CSMD2: variants seen among roughly 807,000 people sequenced by gnomAD.
CSMD2 encodes CUB and Sushi multiple domains 2.
CSMD2 carries 130 observed loss-of-function variants against 398.5 expected under a neutral mutation model. That is an observed-to-expected ratio of 0.33 (90% confidence interval 0.28 to 0.38). The LOEUF (loss-of-function observed/expected upper bound fraction) is 0.38. CSMD2 is among the 10% of genes least tolerant of loss of function. The pLI is 1.00. For missense variants in CSMD2, 3,829 were observed against 4,764.9 expected (o/e 0.80, Z 5.78); for synonymous variants, 1,828 against 1,908.5 (o/e 0.96, Z 1.10).
At chr1:33,700,425 C>G (rs1050166058) in intron 23 of CSMD2, 92 bp downstream of exon 23, 1 of 1,396,878 alleles carries the variant, frequency 7.2e-7, no homozygotes, top group Non-Finnish European at 1.0e-6. Context: ...AGAGCACATT[C>G]TTTGTATCTC....
At chr1:33,840,413 A>T (rs1480154288) in intron 6 of CSMD2, among the ~76,000 whole-genome samples, 1 of 152,258 alleles carries the variant, frequency 6.6e-6, no homozygotes, top group East Asian at 1.9e-4. Context: ...GGGTGTCTAC[A>T]TCTCTCAGGT....
At chr1:33,728,090 G>C (rs767737442) in intron 15 of CSMD2, among the ~76,000 whole-genome samples, 2 of 152,204 alleles carry the variant, frequency 1.3e-5, no homozygotes, top group Non-Finnish European at 2.9e-5. Flanking sequence ...GCAAGTTGCA[G>C]AGCTTGGATT....
chr1:34,161,894 C>G (rs536926874), intron 1 of CSMD2, among the ~76,000 whole-genome samples: 1 of 151,996 alleles, frequency 6.6e-6, no homozygotes, highest in African/African-American at 2.4e-5. Context: ...GGAGGGTGGC[C>G]AGGTGCGGTG....
intron 9 of CSMD2, chr1:33,814,152 T>G (rs1339620398): frequency 1.3e-5 from 2 of 152,398 alleles, no homozygotes; most frequent in African/African-American, 2.4e-5. Context: ...TTTGATCACA[T>G]GGGCCACCAT....
At chr1:33,924,630 T>C (rs1223055465) in intron 4 of CSMD2, among the ~76,000 whole-genome samples, 1 of 152,218 alleles carries the variant, frequency 6.6e-6, no homozygotes, top group Non-Finnish European at 1.5e-5. Context: ...TTTTCTATAA[T>C]GGCTGTACTA....
intron 1 of CSMD2, among the ~76,000 whole-genome samples, chr1:34,125,507 CTGTGTGTGTGTGTGTGTG>C (rs35436778): frequency 1.5e-4 from 21 of 141,190 alleles, no homozygotes; most frequent in Middle Eastern, 3.6e-3. Flanking sequence ...TCAACCTTGG[CTGTGTGTGTGTGTGTGTG>C]TGTGTGTGTG....
chr1:33,616,469 T>A (rs1351751934), intron 39 of CSMD2, among the ~76,000 whole-genome samples: 1 of 152,126 alleles, frequency 6.6e-6, no homozygotes, highest in East Asian at 1.9e-4. Flanking sequence ...AACTCCTGAC[T>A]TCAAGTGATC....
intron 42 of CSMD2, among the ~76,000 whole-genome samples, chr1:33,604,724 C>G (rs927264264): frequency 6.6e-6 from 1 of 152,222 alleles, no homozygotes; most frequent in Non-Finnish European, 1.5e-5. Context: ...TGGTCACCTT[C>G]CTTCCTGGTT....
At chr1:34,139,209 T>C (rs1181298918) in intron 1 of CSMD2, among the ~76,000 whole-genome samples, 1 of 152,156 alleles carries the variant, frequency 6.6e-6, no homozygotes, top group Non-Finnish European at 1.5e-5. Flanking sequence ...AATCCATTCA[T>C]AGATTAACGG....
chr1:33,827,639 C>T (rs1408993595), intron 6 of CSMD2, among the ~76,000 whole-genome samples: 2 of 119,752 alleles, frequency 1.7e-5, no homozygotes, highest in African/African-American at 7.2e-5. Context: ...AATGTAAGCT[C>T]TACAAAGGCA....
intron 3 of CSMD2, among the ~76,000 whole-genome samples, chr1:34,000,064 T>A (rs765658016): frequency 7.2e-5 from 11 of 152,006 alleles, no homozygotes; most frequent in Non-Finnish European, 1.2e-4. Flanking sequence ...AGGAAATGGG[T>A]CTTGACCACA....
At chr1:33,837,375 T>G (rs946852245) in intron 6 of CSMD2, among the ~76,000 whole-genome samples, 1 of 147,688 alleles carries the variant, frequency 6.8e-6, no homozygotes, top group Admixed American at 6.8e-5. Flanking sequence ...TATTCATTCA[T>G]GTTGTTTGTA....
intron 5 of CSMD2, among the ~76,000 whole-genome samples, chr1:33,853,966 T>G (rs760179018): frequency 4.6e-5 from 7 of 152,190 alleles, no homozygotes; most frequent in African/African-American, 7.2e-5. Context: ...CCAGCTATAT[T>G]TGAGTCTCAA....
At chr1:33,685,489 G>T (rs1387521098) in intron 25 of CSMD2, among the ~76,000 whole-genome samples, 2 of 152,188 alleles carry the variant, frequency 1.3e-5, no homozygotes, top group Non-Finnish European at 2.9e-5. Flanking sequence ...ACTGAATGTT[G>T]TTACTGTCTT....
intron 1 of CSMD2, among the ~76,000 whole-genome samples, chr1:34,125,506 G>GCT (rs1188266130): frequency 8.7e-6 from 1 of 115,298 alleles, no homozygotes; most frequent in South Asian, 3.5e-4. Flanking sequence ...ATCAACCTTG[G>GCT]CTGTGTGTGT....
Position 33,624,690 on chromosome 1 carries a change from G to C in CSMD2, c.5501-47C>G, listed in dbSNP as rs374845821. 1 of 1,587,762 alleles carries C rather than the reference G, an allele frequency of 6.3e-7. No homozygotes were observed. Among genetic ancestry groups the C allele is most frequent in the South Asian group, 1.1e-5 (1 of 89,362 alleles). On this transcript the variant is annotated intron_variant, in intron 34 of 70. Coordinates refer to ENST00000373381, the MANE Select transcript of CSMD2 (RefSeq NM_001281956.2). This position sits in a 1 kb window ranked among gnomAD's most constrained non-coding sequence, Gnocchi z 4.7. ...TCAGAGGCTTTGTGGCCTCCCGTGG[G>C]AGCCTTCCCAAGCTGACTCCTCCCT...
At chr1:33,517,862 A>G (rs1653900971) in intron 70 of CSMD2, among the ~76,000 whole-genome samples, 1 of 152,240 alleles carries the variant, frequency 6.6e-6, no homozygotes, top group Non-Finnish European at 1.5e-5. Context: ...GGGGCTGGGC[A>G]GTGATAATGA....
chr1:34,150,393 C>T (rs1001934372), intron 1 of CSMD2, among the ~76,000 whole-genome samples: 1 of 152,164 alleles, frequency 6.6e-6, no homozygotes, highest in African/African-American at 2.4e-5. Flanking sequence ...CCAGAATCTA[C>T]ATTTTTAACT....
intron 2 of CSMD2, among the ~76,000 whole-genome samples, chr1:34,050,099 C>A (rs936443505): frequency 6.6e-6 from 1 of 152,162 alleles, no homozygotes; most frequent in Admixed American, 6.5e-5. Context: ...AAATAAATTT[C>A]TACTGTTTAA....
Sources: allele counts gnomAD v4.1 joint callset (sites outside exome capture counted in the v4.1 genomes callset), GRCh38; gene constraint gnomAD v4.1.1; non-coding constraint Gnocchi (gnomAD v3.1); transcripts MANE v1.5; gene names NCBI Gene and HGNC (gene_info 2026-07-23, HGNC 2026-07-21).